The following ST6GALNAC5 variants were observed in gnomAD, a reference collection of about 807,000 sequenced individuals.
The protein encoded by ST6GALNAC5 is ST6 N-acetylgalactosaminide alpha-2,6-sialyltransferase 5.
In ST6GALNAC5, 27 loss-of-function variants were observed where a neutral mutation model predicts 33.6. That is an observed-to-expected ratio of 0.80 (90% confidence interval 0.59 to 1.11). ST6GALNAC5 has a LOEUF of 1.11. Ranked by LOEUF, ST6GALNAC5 falls within the 50% of genes least tolerant of loss-of-function variation. The probability of loss-of-function intolerance (pLI) is 0.00; values close to 1 mark genes in which losing one functional copy is unlikely to be tolerated. For synonymous variants in ST6GALNAC5, 194 were observed against 171.2 expected, an observed-to-expected ratio of 1.13 and a Z score of -1.04; for missense variants, 428 against 454.0, an observed-to-expected ratio of 0.94 and a Z score of 0.52.
intron 2 of ST6GALNAC5, among the ~76,000 whole-genome samples, chr1:76,977,755 T>C (rs1649071217): frequency 6.6e-6 from 1 of 152,222 alleles, no homozygotes; most frequent in South Asian, 2.1e-4. Flanking sequence ...TTCTATATCT[T>C]TGCTATTGTG....
chr1:76,878,699 A>C (rs974159534), intron 2 of ST6GALNAC5, among the ~76,000 whole-genome samples: 11 of 152,152 alleles, frequency 7.2e-5, no homozygotes, highest in African/African-American at 2.7e-4. Flanking sequence ...CAAGTCTGGA[A>C]ATTTATTGAG....
rs1652481798 is a variant in ST6GALNAC5 at position 77,058,795 on chromosome 1, A to G, written c.780-4180A>G. On this transcript the variant is annotated intron_variant, in intron 4 of 4. Coordinates refer to ENST00000477717, the MANE Select transcript of ST6GALNAC5 (RefSeq NM_030965.3). ...GAAATAGTCAAGTCCAGCAGCTTGG[A>G]TGGACAATAAGTCAGGTTGTGTGCT... 2.0e-5 allele frequency among the ~76,000 whole-genome samples: 3 copies of G among 152,184 alleles called. No individual in the cohort carries two copies. In the South Asian group the frequency reaches 6.2e-4, roughly 32 times the overall value.
intron 2 of ST6GALNAC5, among the ~76,000 whole-genome samples, chr1:76,895,137 G>A (rs887034067): frequency 6.6e-6 from 1 of 152,202 alleles, no homozygotes; most frequent in Non-Finnish European, 1.5e-5. Flanking sequence ...AATGTCATCA[G>A]TTAAGGCAGG....
At chr1:76,947,849 C>T (rs999579328) in intron 2 of ST6GALNAC5, among the ~76,000 whole-genome samples, 12 of 152,146 alleles carry the variant, frequency 7.9e-5, no homozygotes, top group African/African-American at 2.9e-4. Context: ...CCTATGCTGA[C>T]ACACTCATAT....
intron 2 of ST6GALNAC5, among the ~76,000 whole-genome samples, chr1:76,880,930 G>C (rs1522626): frequency 0.031 from 4,735 of 152,288 alleles, 237 homozygotes; most frequent in African/African-American, 0.11. Flanking sequence ...TCCGTAACCT[G>C]TAGGGTGAAG....
intron 2 of ST6GALNAC5, among the ~76,000 whole-genome samples, chr1:76,879,070 T>C (rs532874059): frequency 2.0e-5 from 3 of 152,288 alleles, no homozygotes; most frequent in African/African-American, 7.2e-5. Context: ...TATAGGACTC[T>C]TCAAAAACAT....
In ST6GALNAC5 at chr1:76,931,600, C is replaced by A. The variant is rs184702277; in HGVS notation, c.261+62858C>A. On this transcript the variant is annotated intron_variant, in intron 2 of 4. Transcript: ENST00000477717. ...TCACTATATTTATAATATTTCACAG[C>A]ATTTAAAACAGTATATACACCAAAG... 4.2e-3 allele frequency among the ~76,000 whole-genome samples: 641 copies of A among 152,194 alleles called. 2 individuals carry two copies. Among genetic ancestry groups the A allele is most frequent in the Non-Finnish European group, 7.1e-3 (485 of 68,000 alleles).
intron 4 of ST6GALNAC5, among the ~76,000 whole-genome samples, chr1:77,055,737 C>G (rs1292833155): frequency 1.3e-5 from 2 of 152,180 alleles, no homozygotes; most frequent in African/African-American, 2.4e-5. Flanking sequence ...CTCTGCCTTG[C>G]CCCATCTCAC....
chr1:77,009,259 C>T (rs776718901), intron 2 of ST6GALNAC5, among the ~76,000 whole-genome samples: 1 of 152,112 alleles, frequency 6.6e-6, no homozygotes, highest in Non-Finnish European at 1.5e-5. Context: ...TTGTATTTTC[C>T]TCTTTGGACT....
chr1:77,002,476 G>A (rs1035671681), intron 2 of ST6GALNAC5, among the ~76,000 whole-genome samples: 1 of 151,742 alleles, frequency 6.6e-6, no homozygotes, highest in African/African-American at 2.4e-5. Flanking sequence ...ACGGTTTTTT[G>A]TGTCTCTATT....
intron 4 of ST6GALNAC5, chr1:77,059,995 C>T (rs1352637570): frequency 1.3e-5 from 2 of 152,158 alleles, no homozygotes; most frequent in Non-Finnish European, 2.9e-5. Context: ...GAGTTCCTCT[C>T]CAAGTCATCC....
At chr1:76,974,007 T>A (rs2100369075) in intron 2 of ST6GALNAC5, among the ~76,000 whole-genome samples, 1 of 152,182 alleles carries the variant, frequency 6.6e-6, no homozygotes, top group East Asian at 1.9e-4. Flanking sequence ...TGCTCTCTTA[T>A]TTGGTTTCTT....
At chr1:76,915,303 G>A (rs995287543) in intron 2 of ST6GALNAC5, among the ~76,000 whole-genome samples, 1 of 152,004 alleles carries the variant, frequency 6.6e-6, no homozygotes, top group Non-Finnish European at 1.5e-5. Flanking sequence ...CAGGGATCTA[G>A]AACTAGAAAT....
At position 76,867,614 on chromosome 1, in the gene ST6GALNAC5, T is replaced by C; in HGVS notation, c.-62T>C. On this transcript the variant is annotated 5_prime_UTR_variant, in exon 1 of 5. Transcript: ENST00000477717. ...GCCCCATTACCCATCATGGAAACCC[T>C]CCAGGAAAAAGTGGCCCCGGACGCG... 6.2e-7 allele frequency: 1 copy of C among 1,613,654 alleles called. No individual in the cohort carries two copies. Among genetic ancestry groups the C allele is most frequent in the Non-Finnish European group, 8.5e-7 (1 of 1,179,804 alleles).
intron 2 of ST6GALNAC5, among the ~76,000 whole-genome samples, chr1:76,894,039 C>T (rs1293535150): frequency 6.6e-6 from 1 of 152,188 alleles, no homozygotes; most frequent in Admixed American, 6.5e-5. Context: ...ATTTTCAAAT[C>T]AGTCCCAGGT....
At chr1:76,887,344 A>G (rs1029671391) in intron 2 of ST6GALNAC5, among the ~76,000 whole-genome samples, 1 of 152,178 alleles carries the variant, frequency 6.6e-6, no homozygotes, top group Non-Finnish European at 1.5e-5. Context: ...TTTGCATTGC[A>G]TTCTTTTTCA....
At chr1:76,909,323 T>A (rs1646890606) in intron 2 of ST6GALNAC5, among the ~76,000 whole-genome samples, 1 of 152,126 alleles carries the variant, frequency 6.6e-6, no homozygotes, top group African/African-American at 2.4e-5. Context: ...CCCATCTCTG[T>A]ACTTACACTC....
At chr1:77,062,829 G>A (rs1326279043) in intron 4 of ST6GALNAC5, 146 bp from the exon 5 acceptor site, 2 of 616,214 alleles carry the variant, frequency 3.2e-6, no homozygotes, top group South Asian at 2.1e-5. Flanking sequence ...CTTCCTTATT[G>A]TGTAATCAGA....
chr1:76,944,184 TG>T (rs1176442321), intron 2 of ST6GALNAC5, among the ~76,000 whole-genome samples: 8 of 152,154 alleles, frequency 5.3e-5, no homozygotes, highest in African/African-American at 1.7e-4. Context: ...AAATGTGTCT[TG>T]GTTTTATCTG....
Sources: allele counts gnomAD v4.1 joint callset (sites outside exome capture counted in the v4.1 genomes callset), GRCh38; gene constraint gnomAD v4.1.1; transcripts MANE v1.5; gene names NCBI Gene and HGNC (gene_info 2026-07-23, HGNC 2026-07-21).